DYNC2I2: variants seen among roughly 807,000 people sequenced by gnomAD.
DYNC2I2 encodes the protein cytoplasmic dynein 2 intermediate chain 2.
Under a neutral mutation model 52.0 loss-of-function variants are expected in DYNC2I2, and 39 were observed. The observed-to-expected ratio is 0.75, with a 90% CI of 0.58 to 0.98. The LOEUF (loss-of-function observed/expected upper bound fraction) is 0.98, where lower values mean the gene tolerates loss of function less well. Ranked by LOEUF, DYNC2I2 falls within the 50% of genes least tolerant of loss-of-function variation. The pLI is 0.00. For missense variants in DYNC2I2, 743 were observed against 728.4 expected (o/e 1.02, Z -0.23); for synonymous variants, 359 against 321.1 (o/e 1.12, Z -1.26).
intron 5 of DYNC2I2, 79 bp from the exon 6 acceptor site, chr9:128,635,338 C>G: frequency 6.7e-7 from 1 of 1,482,758 alleles, no homozygotes; most frequent in Non-Finnish European, 9.0e-7. Flanking sequence ...TACCCTCCCT[C>G]TCTTCCAGGA....
At chr9:128,662,477 T>C in the DYNC2I2 span, among the ~76,000 whole-genome samples, 2 of 151,192 alleles carry the variant, frequency 1.3e-5, no homozygotes, top group African/African-American at 4.8e-5. Context: ...AATGGCGCGA[T>C]CTCGGCTCAC....
chr9:128,652,441 A>G (rs2132179280), intron 1 of DYNC2I2, among the ~76,000 whole-genome samples: 2 of 149,134 alleles, frequency 1.3e-5, no homozygotes, highest in Middle Eastern at 6.8e-3. Context: ...TCAAAAAAAA[A>G]AAAAAAAAAA....
Position 128,651,436 on chromosome 9 carries a change from G to A in DYNC2I2, c.186+5105C>T, listed in dbSNP as rs1196056615. 1.3e-4 allele frequency: 7 copies of A among 55,682 alleles called. 2 individuals carry two copies. Among genetic ancestry groups the A allele is most frequent in the Admixed American group, 6.3e-4 (3 of 4,748 alleles). The allele number at this position is 55,682 out of a possible 1,614,324, so 3.4% of individuals were successfully genotyped here. ...AATCCCAGCTTCTCGGGAGGCTGAC[G>A]CAGGAGAATCGCTTAAACCCGGGAG... On this transcript the variant is annotated intron_variant, in intron 1 of 8. Coordinates refer to ENST00000372715, the MANE Select transcript of DYNC2I2 (RefSeq NM_052844.4).
chr9:128,643,458 C>T (rs577658116), intron 1 of DYNC2I2, among the ~76,000 whole-genome samples: 77 of 149,160 alleles, frequency 5.2e-4, no homozygotes, highest in African/African-American at 1.8e-3. Context: ...ACTTGGGGGG[C>T]GGAGGTTGCA....
intron 1 of DYNC2I2, among the ~76,000 whole-genome samples, chr9:128,645,457 A>G (rs1261471965): frequency 1.3e-5 from 2 of 151,622 alleles, no homozygotes; most frequent in Non-Finnish European, 2.9e-5. Context: ...GTCTCAAAAA[A>G]AAAAAAAAAA....
intron 1 of DYNC2I2, among the ~76,000 whole-genome samples, chr9:128,645,486 G>A (rs1262988931): frequency 2.6e-5 from 4 of 151,112 alleles, no homozygotes; most frequent in African/African-American, 7.3e-5. Flanking sequence ...GCATGGTGGC[G>A]GGCGCCTGTA....
At chr9:128,683,689 A>T in the DYNC2I2 span, 5 of 495,416 alleles carry the variant, frequency 1.0e-5, no homozygotes, top group Non-Finnish European at 1.8e-5. Context: ...AGCAACTAAA[A>T]GAAATTTCTC....
chr9:128,665,490 C>A, the DYNC2I2 span, among the ~76,000 whole-genome samples: 1 of 151,958 alleles, frequency 6.6e-6, no homozygotes, highest in Non-Finnish European at 1.5e-5. Flanking sequence ...TGTGTTGGGA[C>A]CAGGCGCGGT....
At chr9:128,643,605 T>C (rs550940029) in intron 1 of DYNC2I2, among the ~76,000 whole-genome samples, 3 of 151,334 alleles carry the variant, frequency 2.0e-5, no homozygotes, top group South Asian at 4.2e-4. Flanking sequence ...AGTGTGAAGA[T>C]TGCTTGAGTC....
At chr9:128,640,631 C>T (rs1225256251) in intron 2 of DYNC2I2, 60 bp downstream of exon 2, 1 of 1,566,426 alleles carries the variant, frequency 6.4e-7, no homozygotes, top group African/African-American at 1.4e-5. Context: ...GGAAGGAAAA[C>T]AAGAGGAGAC....
the DYNC2I2 span, among the ~76,000 whole-genome samples, chr9:128,678,838 G>C: frequency 1.3e-5 from 2 of 152,060 alleles, no homozygotes; most frequent in South Asian, 4.2e-4. Context: ...GGGAGGTCGA[G>C]GCGAGCAGAT....
chr9:128,642,623 T>C (rs1288639054), intron 1 of DYNC2I2, among the ~76,000 whole-genome samples: 13 of 151,058 alleles, frequency 8.6e-5, no homozygotes. Flanking sequence ...ACAAAAAAAT[T>C]AGCCGGGCAT....
At chr9:128,669,391 T>A in the DYNC2I2 span, among the ~76,000 whole-genome samples, 2 of 150,974 alleles carry the variant, frequency 1.3e-5, no homozygotes, top group African/African-American at 2.4e-5. Context: ...TTAAAAAAAA[T>A]TTTTAAAATT....
chr9:128,669,787 T>G, the DYNC2I2 span, among the ~76,000 whole-genome samples: 2 of 152,124 alleles, frequency 1.3e-5, no homozygotes, highest in Non-Finnish European at 2.9e-5. Flanking sequence ...CAAGGGATTC[T>G]CCTGCCTCAG....
At chr9:128,673,229 A>G in the DYNC2I2 span, among the ~76,000 whole-genome samples, 1 of 152,198 alleles carries the variant, frequency 6.6e-6, no homozygotes, top group Non-Finnish European at 1.5e-5. Flanking sequence ...TACCCAACAA[A>G]AATAATGCAA....
upstream of DYNC2I2, among the ~76,000 whole-genome samples, chr9:128,661,661 C>T (rs1860920761): frequency 1.3e-5 from 2 of 152,108 alleles, no homozygotes; most frequent in East Asian, 3.9e-4. Context: ...TGGTGTCAGG[C>T]ACCTGTATTC....
chr9:128,679,252 C>T, the DYNC2I2 span, among the ~76,000 whole-genome samples: 13 of 152,024 alleles, frequency 8.6e-5, no homozygotes, highest in African/African-American at 1.7e-4. Context: ...CTGTCAGGCT[C>T]GCTTGCCCTT....
chr9:128,637,820 C>T (rs764629648), intron 2 of DYNC2I2, among the ~76,000 whole-genome samples: 20 of 152,106 alleles, frequency 1.3e-4, no homozygotes, highest in African/African-American at 3.6e-4. Context: ...AGGAGGCTGA[C>T]GACCAGCCTA....
Position 128,651,174 on chromosome 9 carries a change from G to C in DYNC2I2, c.186+5367C>G, listed in dbSNP as rs1339117552. 3.3e-5 allele frequency: 2 copies of C among 60,020 alleles called. 1 individual carries two copies. Among genetic ancestry groups the C allele is most frequent in the African/African-American group, 6.7e-5 (2 of 29,710 alleles). 3.7% of individuals were successfully genotyped at this position (60,020 alleles called of 1,614,324 possible). The stretch of plus-strand genomic sequence containing the variant: ...AGGAAGGAAACAAAAAGCTGGCAGA[G>C]ATGGAGGAGGAACTACATTATGCAC... On this transcript the variant is annotated intron_variant, in intron 1 of 8. Transcript: ENST00000372715.
Sources: allele counts gnomAD v4.1 joint callset (sites outside exome capture counted in the v4.1 genomes callset), GRCh38; gene constraint gnomAD v4.1.1; transcripts MANE v1.5; gene names NCBI Gene and HGNC (gene_info 2026-07-23, HGNC 2026-07-21).